Variants in KCNIP4 observed in about 807,000 individuals in gnomAD.
The protein encoded by KCNIP4 is potassium voltage-gated channel interacting protein 4, also known as Kv channel-interacting protein 4.
A neutral mutation model predicts 34.0 loss-of-function variants in KCNIP4; 12 were observed. The ratio of observed to expected loss-of-function variants is 0.35; its 90% CI spans 0.23 to 0.57. The LOEUF is 0.57. Ranked by LOEUF, KCNIP4 falls within the 20% of genes least tolerant of loss-of-function variation. The probability of loss-of-function intolerance (pLI) is 0.83; values close to 1 mark genes in which losing one functional copy is unlikely to be tolerated. For missense variants in KCNIP4, 238 were observed against 311.7 expected (o/e 0.76, Z 1.78); for synonymous variants, 124 against 102.2 (o/e 1.21, Z -1.29).
intron 1 of KCNIP4, among the ~76,000 whole-genome samples, chr4:21,253,507 G>C (rs555002345): frequency 1.3e-5 from 2 of 152,128 alleles, no homozygotes; most frequent in Non-Finnish European, 2.9e-5. Context: ...CTGCTATCTA[G>C]TCTACATTAT....
intron 1 of KCNIP4, among the ~76,000 whole-genome samples, chr4:21,491,537 G>C (rs1159514780): frequency 1.3e-5 from 2 of 152,032 alleles, no homozygotes; most frequent in Non-Finnish European, 2.9e-5. Flanking sequence ...ACCATGCTGG[G>C]CAAATTTTTT....
At chr4:21,458,851 G>A (rs1729199158) in intron 1 of KCNIP4, among the ~76,000 whole-genome samples, 1 of 151,928 alleles carries the variant, frequency 6.6e-6, no homozygotes, top group Admixed American at 6.6e-5. Flanking sequence ...TACCACTAGA[G>A]ATTTTCATGT....
At chr4:20,814,186 C>T (rs958941163) in intron 3 of KCNIP4, among the ~76,000 whole-genome samples, 1 of 152,198 alleles carries the variant, frequency 6.6e-6, no homozygotes, top group African/African-American at 2.4e-5. Flanking sequence ...CCCAGGAGAA[C>T]TGAAACAGAA....
At chr4:21,898,742 ACTT>A (rs896809492) in intron 1 of KCNIP4, among the ~76,000 whole-genome samples, 1 of 152,044 alleles carries the variant, frequency 6.6e-6, no homozygotes, top group Non-Finnish European at 1.5e-5. Context: ...GAAGAAAGAG[ACTT>A]CTTCTGTTTG....
intron 1 of KCNIP4, among the ~76,000 whole-genome samples, chr4:21,685,933 TC>T (rs1229980565): frequency 6.6e-6 from 1 of 152,238 alleles, no homozygotes; most frequent in African/African-American, 2.4e-5. Flanking sequence ...CTGTATAGTT[TC>T]CCTTGGGGGA....
intron 1 of KCNIP4, among the ~76,000 whole-genome samples, chr4:21,237,374 G>A (rs1339140942): frequency 6.6e-6 from 1 of 152,000 alleles, no homozygotes; most frequent in African/African-American, 2.4e-5. Flanking sequence ...CAATCAAATA[G>A]GTAATAACAT....
intron 1 of KCNIP4, among the ~76,000 whole-genome samples, chr4:21,519,441 T>C (rs1319116883): frequency 7.4e-6 from 1 of 134,284 alleles, no homozygotes; most frequent in South Asian, 2.3e-4. Context: ...TGTGTGTATA[T>C]GTATGTGTAT....
intron 1 of KCNIP4, among the ~76,000 whole-genome samples, chr4:21,183,662 CATT>C (rs1202136666): frequency 6.6e-6 from 1 of 151,906 alleles, no homozygotes; most frequent in African/African-American, 2.4e-5. Context: ...TGATAACAGC[CATT>C]CTAACAGGTG....
At chr4:21,351,151 C>A (rs910415403) in intron 1 of KCNIP4, among the ~76,000 whole-genome samples, 30 of 152,066 alleles carry the variant, frequency 2.0e-4, no homozygotes, top group Admixed American at 1.6e-3. Flanking sequence ...AAATGTAGTA[C>A]CATCCTAAAT....
chr4:21,513,368 A>G (rs1376333654), intron 1 of KCNIP4, among the ~76,000 whole-genome samples: 3 of 152,202 alleles, frequency 2.0e-5, no homozygotes, highest in Admixed American at 2.0e-4. Context: ...GCTCTTCATG[A>G]GAAAGCATCA....
At chr4:20,781,981 G>C (rs1175192088) in intron 3 of KCNIP4, among the ~76,000 whole-genome samples, 1 of 152,164 alleles carries the variant, frequency 6.6e-6, no homozygotes, top group Non-Finnish European at 1.5e-5. Context: ...ACAGGTATTA[G>C]GTAAATATAG....
intron 1 of KCNIP4, among the ~76,000 whole-genome samples, chr4:21,358,240 G>T (rs1718859305): frequency 6.6e-6 from 1 of 151,958 alleles, no homozygotes; most frequent in Admixed American, 6.6e-5. Context: ...GATGTGTGCA[G>T]CAAACCACTG....
chr4:20,825,262 G>A (rs1717617298), intron 3 of KCNIP4, among the ~76,000 whole-genome samples: 1 of 126,840 alleles, frequency 7.9e-6, no homozygotes, highest in Non-Finnish European at 1.6e-5. Flanking sequence ...AAGATCTGAT[G>A]TTGGGATGAG....
intron 1 of KCNIP4, among the ~76,000 whole-genome samples, chr4:21,635,025 G>C (rs1321396978): frequency 6.6e-6 from 1 of 152,120 alleles, no homozygotes; most frequent in African/African-American, 2.4e-5. Context: ...AAAATGAAGA[G>C]AGCAAAGGCT....
chr4:21,389,810 T>C (rs912939558), intron 1 of KCNIP4, among the ~76,000 whole-genome samples: 5 of 152,136 alleles, frequency 3.3e-5, no homozygotes, highest in African/African-American at 1.2e-4. Context: ...CCTTTGGGCA[T>C]ATACCCAGTA....
At chr4:20,740,425 C>G (rs1259386945) in intron 5 of KCNIP4, among the ~76,000 whole-genome samples, 1 of 152,074 alleles carries the variant, frequency 6.6e-6, no homozygotes, top group African/African-American at 2.4e-5. Flanking sequence ...GGCCAATATT[C>G]AACACTCTTA....
At position 21,519,785 on chromosome 4, in the gene KCNIP4, A is replaced by ATGTATGTGTGTATACACACGTGTGTGTG. The variant is rs1560481346; in HGVS notation, c.61+428785_61+428786insCACACACACGTGTGTATACACACATACA. Among the ~76,000 whole-genome samples the ATGTATGTGTGTATACACACGTGTGTGTG allele has an allele frequency of 6.2e-5, 8 of 128,580 alleles. No individual in the cohort carries two copies. The South Asian group carries it at 1.6e-3, about 25-fold the overall frequency. The allele number at this position is 128,580 out of a possible 152,430, so 84.4% of individuals were successfully genotyped here. ...TATGTGTGTATACACACGTGTGTGT[A>ATGTATGTGTGTATACACACGTGTGTGTG]TGTGTGTGTATACACGTGTGTGTAT... On this transcript the variant is annotated intron_variant, in intron 1 of 8. Coordinates refer to ENST00000382152, the MANE Select transcript of KCNIP4 (RefSeq NM_025221.6).
chr4:21,775,156 G>T (rs6852732), intron 1 of KCNIP4, among the ~76,000 whole-genome samples: 113,468 of 152,012 alleles, frequency 0.75, 44,095 homozygotes, highest in African/African-American at 0.91. Flanking sequence ...TTGGTTGGTG[G>T]TGTTGATGCT....
In KCNIP4 at chr4:21,247,820, T is replaced by TATATATATATAC. The variant is rs767314805; in HGVS notation, c.62-365112_62-365111insGTATATATATAT. On this transcript the variant is annotated intron_variant, in intron 1 of 8. Coordinates refer to ENST00000382152, the MANE Select transcript of KCNIP4 (RefSeq NM_025221.6). ...AGGTGGATATATATATATATATATA[T>TATATATATATAC]ACACACACACACAGACACCACAGGT... Among the ~76,000 whole-genome samples, 202 of 101,166 alleles carry TATATATATATAC rather than the reference T, an allele frequency of 2.0e-3. 3 individuals are homozygous for TATATATATATAC. Among genetic ancestry groups the TATATATATATAC allele is most frequent in the African/African-American group, 8.0e-3 (178 of 22,358 alleles). The allele number at this position is 101,166 out of a possible 152,430, so 66.4% of individuals were successfully genotyped here. A position where few individuals can be genotyped will look rare whatever the true frequency, so the allele number is the denominator to read the frequency against.
Sources: allele counts gnomAD v4.1 joint callset (sites outside exome capture counted in the v4.1 genomes callset), GRCh38; gene constraint gnomAD v4.1.1; transcripts MANE v1.5; gene names NCBI Gene and HGNC (gene_info 2026-07-23, HGNC 2026-07-21).